Variants in FIP1L1 observed in about 807,000 individuals in gnomAD.
The protein encoded by FIP1L1 is pre-mRNA 3'-end-processing factor FIP1.
Under a neutral mutation model 84.6 loss-of-function variants are expected in FIP1L1, and 21 were observed. The ratio of observed to expected loss-of-function variants is 0.25; its 90% confidence interval spans 0.18 to 0.36. FIP1L1 has a LOEUF of 0.36. Among genes scored for constraint, FIP1L1 ranks in the 10% least tolerant of loss-of-function variants. The pLI is 1.00. For synonymous variants in FIP1L1, 263 were observed against 242.3 expected, an observed-to-expected ratio of 1.09 and a Z score of -0.80; for missense variants, 526 against 751.1, an observed-to-expected ratio of 0.70 and a Z score of 3.50.
At chr4:53,406,127 T>A (rs1454306926) in intron 10 of FIP1L1, among the ~76,000 whole-genome samples, 1 of 152,124 alleles carries the variant, frequency 6.6e-6, no homozygotes, top group Non-Finnish European at 1.5e-5. Context: ...CCCATTCAGT[T>A]TGATATTGGC....
At chr4:53,410,595 TC>T (rs1298207684) in intron 10 of FIP1L1, among the ~76,000 whole-genome samples, 10 of 152,278 alleles carry the variant, frequency 6.6e-5, no homozygotes, top group African/African-American at 2.4e-4. Context: ...TAACATCATT[TC>T]CATAGTCTAA....
At chr4:53,429,232 T>G (rs1430620309) in intron 13 of FIP1L1, among the ~76,000 whole-genome samples, 1 of 152,208 alleles carries the variant, frequency 6.6e-6, no homozygotes, top group African/African-American at 2.4e-5. Context: ...AAATGACTTG[T>G]GGCTTTAGAG....
At chr4:53,456,930 TTAAC>T (rs1719402826) in intron 16 of FIP1L1, among the ~76,000 whole-genome samples, 2 of 152,144 alleles carry the variant, frequency 1.3e-5, no homozygotes, top group South Asian at 4.1e-4. Flanking sequence ...ATAATTGACT[TTAAC>T]TATTTTTATG....
intron 1 of FIP1L1, 128 bp downstream of exon 1, chr4:53,378,051 A>T: frequency 1.2e-6 from 1 of 821,408 alleles, no homozygotes; most frequent in Non-Finnish European, 1.8e-6. Flanking sequence ...GTCCGGCCTG[A>T]CTTAGGCCGA....
intron 9 of FIP1L1, among the ~76,000 whole-genome samples, chr4:53,394,183 TTAA>T (rs1425996018): frequency 6.6e-6 from 1 of 152,238 alleles, no homozygotes; most frequent in Non-Finnish European, 1.5e-5. Flanking sequence ...TCAAAGGATA[TTAA>T]TGATAGGCTG....
intron 14 of FIP1L1, 52 bp downstream of exon 14, chr4:53,442,759 G>T (rs371158401): frequency 1.5e-5 from 15 of 1,006,456 alleles, no homozygotes; most frequent in Non-Finnish European, 2.2e-5. Context: ...TTTGACAGAA[G>T]AACCATATAC....
intron 13 of FIP1L1, among the ~76,000 whole-genome samples, chr4:53,430,365 T>G (rs77970627): frequency 7.5e-6 from 1 of 132,634 alleles, no homozygotes; most frequent in Admixed American, 7.3e-5. Context: ...TTTTTTTTTT[T>G]GGAGACAGGG....
At chr4:53,414,538 GAAAA>G in intron 10 of FIP1L1, 73 bp from the exon 11 acceptor site, 3 of 736,064 alleles carry the variant, frequency 4.1e-6, no homozygotes, top group Non-Finnish European at 4.2e-6. Context: ...AGCATGTCAA[GAAAA>G]AAAAAAAAAC....
intron 9 of FIP1L1, among the ~76,000 whole-genome samples, chr4:53,398,775 A>C (rs1748735801): frequency 6.6e-6 from 1 of 152,186 alleles, no homozygotes; most frequent in African/African-American, 2.4e-5. Flanking sequence ...GGCTACAATC[A>C]AAGGATCTAA....
intron 3 of FIP1L1, among the ~76,000 whole-genome samples, chr4:53,381,665 T>C (rs1241780711): frequency 6.6e-6 from 1 of 151,878 alleles, no homozygotes; most frequent in South Asian, 2.1e-4. Context: ...ATTAAGTTTG[T>C]CATATATTTT....
intron 11 of FIP1L1, among the ~76,000 whole-genome samples, chr4:53,419,937 G>A (rs943013240): frequency 8.6e-5 from 13 of 151,734 alleles, no homozygotes; most frequent in Non-Finnish European, 1.5e-4. Flanking sequence ...GGCCAGGCGC[G>A]GTGGCTCACG....
chr4:53,380,388 T>A (rs1737184702), intron 3 of FIP1L1, among the ~76,000 whole-genome samples: 1 of 152,224 alleles, frequency 6.6e-6, no homozygotes, highest in Non-Finnish European at 1.5e-5. Context: ...TAGAGACAGA[T>A]TAGTGGTTAC....
chr4:53,383,334 A>T (rs1439281152), intron 4 of FIP1L1, among the ~76,000 whole-genome samples: 1 of 152,168 alleles, frequency 6.6e-6, no homozygotes, highest in Non-Finnish European at 1.5e-5. Flanking sequence ...TGGCAGCATT[A>T]TAAGCTTGTA....
At chr4:53,420,631 C>T (rs184303665) in intron 11 of FIP1L1, among the ~76,000 whole-genome samples, 2 of 151,930 alleles carry the variant, frequency 1.3e-5, no homozygotes, top group African/African-American at 4.8e-5. Flanking sequence ...AATTGTTACT[C>T]GAACATTAGA....
chr4:53,410,996 A>G (rs1275110511), intron 10 of FIP1L1, among the ~76,000 whole-genome samples: 2 of 152,074 alleles, frequency 1.3e-5, no homozygotes, highest in Non-Finnish European at 2.9e-5. Context: ...TATATTTTCA[A>G]CTTTTCTTGA....
rs572710577 is a variant in FIP1L1, at chr4:53,438,752, A to G, written c.1175-3901A>G. On this transcript the variant is annotated intron_variant, in intron 13 of 17. Coordinates refer to ENST00000337488, the MANE Select transcript of FIP1L1 (RefSeq NM_030917.4). Reference sequence around the variant, plus strand: ...TTGTAATGTACTTAATTCTTTGGTCATATGTCTTTTATCTCTACATTTTGT... The same window carrying G: ...TTGTAATGTACTTAATTCTTTGGTCGTATGTCTTTTATCTCTACATTTTGT... 1.1e-4 allele frequency among the ~76,000 whole-genome samples: 16 copies of G among 152,284 alleles called. No homozygotes were observed. In the South Asian group the frequency reaches 2.1e-3, roughly 20 times the overall value.
At chr4:53,417,755 ACACACACACTCTCTCTCTCT>A (rs1560536859) in intron 11 of FIP1L1, among the ~76,000 whole-genome samples, 2 of 37,896 alleles carry the variant, frequency 5.3e-5, no homozygotes, top group Admixed American at 3.4e-4. Context: ...ACACACACAC[ACACACACACTCTCTCTCTCT>A]CTCTCTCTCT....
At chr4:53,426,405 A>G (rs144792080) in intron 12 of FIP1L1, among the ~76,000 whole-genome samples, 1 of 152,220 alleles carries the variant, frequency 6.6e-6, no homozygotes, top group East Asian at 1.9e-4. Flanking sequence ...CCCTGAGTAA[A>G]CTGTGTAGTG....
At chr4:53,444,736 C>G (rs1387716898) in intron 15 of FIP1L1, among the ~76,000 whole-genome samples, 1 of 152,008 alleles carries the variant, frequency 6.6e-6, no homozygotes, top group Non-Finnish European at 1.5e-5. Flanking sequence ...CGTGCATCAC[C>G]ATGCCGGGCT....
Sources: allele counts gnomAD v4.1 joint callset (sites outside exome capture counted in the v4.1 genomes callset), GRCh38; gene constraint gnomAD v4.1.1; transcripts MANE v1.5; gene names NCBI Gene and HGNC (gene_info 2026-07-23, HGNC 2026-07-21).